Variants in MSRB3 observed in about 807,000 individuals in gnomAD.
MSRB3 encodes methionine-R-sulfoxide reductase B3.
Under a neutral mutation model 21.0 loss-of-function variants are expected in MSRB3, and 13 were observed. The observed-to-expected ratio is 0.62, with a 90% CI of 0.40 to 0.98. The LOEUF (loss-of-function observed/expected upper bound fraction) is 0.98. MSRB3 is among the 50% of genes least tolerant of loss of function. MSRB3 has a pLI of 0.00. For missense variants in MSRB3, 199 were observed against 230.3 expected (o/e 0.86, Z 0.88); for synonymous variants, 87 against 88.6 (o/e 0.98, Z 0.10).
intron 4 of MSRB3, among the ~76,000 whole-genome samples, chr12:65,329,462 C>CA (rs35495908): frequency 0.011 from 1,715 of 152,104 alleles, 15 homozygotes; most frequent in Non-Finnish European, 0.017. Flanking sequence ...TTAGCCTGGC[C>CA]AACATGGTGA....
At chr12:65,281,135 G>A (rs1464644429) in intron 1 of MSRB3, among the ~76,000 whole-genome samples, 1 of 152,164 alleles carries the variant, frequency 6.6e-6, no homozygotes, top group Admixed American at 6.5e-5. Context: ...AAGCCAAAGT[G>A]GGAGGATTGC....
chr12:65,459,229 T>A (rs1244144549), intron 6 of MSRB3, among the ~76,000 whole-genome samples: 1 of 152,230 alleles, frequency 6.6e-6, no homozygotes, highest in Non-Finnish European at 1.5e-5. Flanking sequence ...TTAAGATCAT[T>A]ATTAATTTGT....
chr12:65,423,193 C>T (rs1258737610), intron 5 of MSRB3, among the ~76,000 whole-genome samples: 3 of 152,030 alleles, frequency 2.0e-5, no homozygotes, highest in Non-Finnish European at 4.4e-5. Context: ...AACTCCTGAC[C>T]TCAGGTGATC....
At chr12:65,426,263 C>T (rs1034531250) in intron 5 of MSRB3, among the ~76,000 whole-genome samples, 4 of 152,014 alleles carry the variant, frequency 2.6e-5, no homozygotes, top group Non-Finnish European at 4.4e-5. Flanking sequence ...ACTCACTTAG[C>T]TTTTGCTTAT....
intron 4 of MSRB3, among the ~76,000 whole-genome samples, chr12:65,348,702 C>T (rs958440351): frequency 9.2e-5 from 14 of 152,194 alleles, no homozygotes; most frequent in African/African-American, 2.9e-4. Context: ...TAAATCCTTC[C>T]TGCTTTCTCT....
chr12:65,378,931 T>C (rs1878789142), intron 5 of MSRB3, among the ~76,000 whole-genome samples: 1 of 152,232 alleles, frequency 6.6e-6, no homozygotes, highest in Non-Finnish European at 1.5e-5. Context: ...ACATAAATCA[T>C]TAATGACTGA....
intron 1 of MSRB3, among the ~76,000 whole-genome samples, chr12:65,302,204 T>G (rs181212471): frequency 3.4e-4 from 52 of 152,268 alleles, no homozygotes; most frequent in Admixed American, 1.8e-3. Context: ...TTGATAATTT[T>G]GGGGAGTGTA....
intron 5 of MSRB3, among the ~76,000 whole-genome samples, chr12:65,444,794 C>T (rs182268847): frequency 1.3e-5 from 2 of 152,284 alleles, no homozygotes; most frequent in Admixed American, 1.3e-4. Context: ...AAGCAATTTT[C>T]TCCTTTTTCA....
At chr12:65,368,614 G>T (rs751600695) in intron 4 of MSRB3, among the ~76,000 whole-genome samples, 44 of 152,200 alleles carry the variant, frequency 2.9e-4, no homozygotes, top group South Asian at 6.2e-4. Flanking sequence ...ACTTCGTGTT[G>T]AATAATTTCA....
intron 4 of MSRB3, among the ~76,000 whole-genome samples, chr12:65,334,533 T>TAC (rs140461925): frequency 0.042 from 6,342 of 151,724 alleles, 423 homozygotes; most frequent in African/African-American, 0.14. Context: ...GAAACATGCA[T>TAC]ACACACACAC....
At chr12:65,456,696 T>C (rs1883103366) in intron 6 of MSRB3, among the ~76,000 whole-genome samples, 1 of 152,232 alleles carries the variant, frequency 6.6e-6, no homozygotes, top group Non-Finnish European at 1.5e-5. Context: ...CTTTCTTAAA[T>C]AGAACTCTTA....
intron 5 of MSRB3, among the ~76,000 whole-genome samples, chr12:65,384,304 CTATT>C (rs1879099914): frequency 6.6e-6 from 1 of 152,032 alleles, no homozygotes; most frequent in Admixed American, 6.6e-5. Flanking sequence ...ATTTTGATAT[CTATT>C]ATGTGTCACC....
intron 4 of MSRB3, among the ~76,000 whole-genome samples, chr12:65,354,415 G>A (rs1309418215): frequency 6.6e-6 from 1 of 151,942 alleles, no homozygotes; most frequent in Non-Finnish European, 1.5e-5. Context: ...TGGAGGCTTT[G>A]TTCGTTTCTT....
chr12:65,420,934 T>C (rs775159679), intron 5 of MSRB3, among the ~76,000 whole-genome samples: 2 of 152,206 alleles, frequency 1.3e-5, no homozygotes, highest in Non-Finnish European at 2.9e-5. Context: ...TGAACATTAG[T>C]GTGCATGTGT....
intron 4 of MSRB3, among the ~76,000 whole-genome samples, chr12:65,337,087 C>A (rs1875813683): frequency 6.6e-6 from 1 of 151,916 alleles, no homozygotes; most frequent in Admixed American, 6.6e-5. Flanking sequence ...ACTAAAAATA[C>A]AAAAAATTAG....
chr12:65,287,353 C>G (rs960429747), intron 1 of MSRB3, among the ~76,000 whole-genome samples: 3 of 152,076 alleles, frequency 2.0e-5, no homozygotes, highest in African/African-American at 2.4e-5. Context: ...GTCTTGAACT[C>G]CTGGACTTAA....
chr12:65,327,216 C>G (rs1173003507), intron 3 of MSRB3, among the ~76,000 whole-genome samples: 1 of 152,146 alleles, frequency 6.6e-6, no homozygotes, highest in Non-Finnish European at 1.5e-5. Context: ...GAAGTAACAG[C>G]GATTTAGGTA....
At chr12:65,310,765 A>T (rs1873938968) in intron 2 of MSRB3, among the ~76,000 whole-genome samples, 1 of 152,262 alleles carries the variant, frequency 6.6e-6, no homozygotes. Flanking sequence ...TTTTTAAAAA[A>T]TTAACCATTA....
Position 65,463,311 on chromosome 12 carries a change from G to C in MSRB3, c.547G>C (p.Ala183Pro). 6.2e-7 allele frequency: 1 copy of C among 1,614,208 alleles called. No homozygotes were observed. The highest frequency in any genetic ancestry group is 8.5e-7 in the Non-Finnish European group (1 of 1,180,036). Residue 183 changes from alanine to proline, a missense_variant, in exon 7 of 7, where the codon GCG becomes CCG. Ala to Pro is a conservative substitution (Grantham distance 27, BLOSUM62 -1). Transcript: ENST00000308259. ...CGCCAGCCCGGCCCAGGCAGACAAA[G>C]CGGAGCTCTAGAGTAATGGAGAGTG... ...GVASPAQADK[A>P]EL
Sources: allele counts gnomAD v4.1 joint callset (sites outside exome capture counted in the v4.1 genomes callset), GRCh38; gene constraint gnomAD v4.1.1; transcripts MANE v1.5; gene names NCBI Gene and HGNC (gene_info 2026-07-23, HGNC 2026-07-21).